The following BCAS3 variants were observed in gnomAD, a reference collection of about 807,000 sequenced individuals.
The protein encoded by BCAS3 is BCAS4/BCAS3 fusion.
A neutral mutation model predicts 116.1 loss-of-function variants in BCAS3; 53 were observed. The ratio of observed to expected loss-of-function variants is 0.46; its 90% CI spans 0.37 to 0.57. BCAS3 has a LOEUF of 0.57. BCAS3 is among the 20% of genes least tolerant of loss of function. The pLI, the probability that BCAS3 is intolerant of heterozygous loss-of-function variation, is 0.00. For missense variants in BCAS3, 917 were observed against 1,165.4 expected (o/e 0.79, Z 3.10); for synonymous variants, 391 against 408.2 (o/e 0.96, Z 0.51).
rs1411097267 is a variant in BCAS3 at position 61,208,638 on chromosome 17, A to G, written c.2425+124074A>G. On this transcript the variant is annotated intron_variant, in intron 22 of 23. Transcript: ENST00000407086. This position sits in a 1 kb window ranked among gnomAD's most constrained non-coding sequence, Gnocchi z 4.5. ...TTAAAGCTACTAGGTCCACGCTTCT[A>G]TGAAGAAAGCAGGTATCCATGTTGT... 6.6e-6 allele frequency among the ~76,000 whole-genome samples: 1 copy of G among 152,192 alleles called. No individual in the cohort carries two copies. The highest frequency in any genetic ancestry group is 2.4e-5 in the African/African-American group (1 of 41,454).
At chr17:60,768,787 A>G (rs1176945487) in intron 6 of BCAS3, among the ~76,000 whole-genome samples, 3 of 152,036 alleles carry the variant, frequency 2.0e-5, no homozygotes, top group African/African-American at 7.2e-5. Flanking sequence ...CTGCTCCAGG[A>G]TGGCTTGCAC....
chr17:61,232,424 T>C (rs1182734310), intron 22 of BCAS3, among the ~76,000 whole-genome samples: 1 of 152,082 alleles, frequency 6.6e-6, no homozygotes, highest in Non-Finnish European at 1.5e-5. Flanking sequence ...GTAATTTTCC[T>C]CAAAATCATT....
intron 7 of BCAS3, among the ~76,000 whole-genome samples, chr17:60,833,844 C>T (rs1424666509): frequency 6.6e-6 from 1 of 152,160 alleles, no homozygotes; most frequent in Non-Finnish European, 1.5e-5. Context: ...TCAATTCCAA[C>T]TGCCTTTACA....
At chr17:61,236,225 G>A (rs1350258639) in intron 22 of BCAS3, among the ~76,000 whole-genome samples, 3 of 152,188 alleles carry the variant, frequency 2.0e-5, no homozygotes, top group Admixed American at 6.5e-5. Context: ...TGGCATTTTC[G>A]TGGTGTTCTG....
intron 6 of BCAS3, among the ~76,000 whole-genome samples, chr17:60,793,314 G>A (rs2046936473): frequency 6.6e-6 from 1 of 151,980 alleles, no homozygotes; most frequent in African/African-American, 2.4e-5. Flanking sequence ...CCAAGCTGGT[G>A]TTGAACTTCT....
intron 14 of BCAS3, among the ~76,000 whole-genome samples, chr17:60,979,939 A>G (rs1243385687): frequency 6.6e-6 from 1 of 151,766 alleles, no homozygotes; most frequent in East Asian, 1.9e-4. Flanking sequence ...TTCATCAAGG[A>G]TATTGGTCTA....
intron 11 of BCAS3, among the ~76,000 whole-genome samples, chr17:60,906,791 C>T (rs994311948): frequency 1.4e-4 from 21 of 152,010 alleles, no homozygotes; most frequent in Middle Eastern, 3.4e-3. Context: ...ATTTTTTAAC[C>T]ATTTCTAGGT....
In BCAS3 at chr17:61,151,648, A is replaced by G. The variant is rs1169769112; in HGVS notation, c.2425+67084A>G. Among the ~76,000 whole-genome samples the G allele has an allele frequency of 1.3e-5, 2 of 152,086 alleles. No individual in the cohort carries two copies. Among genetic ancestry groups the G allele is most frequent in the South Asian group, 2.1e-4 (1 of 4,826 alleles). The stretch of plus-strand genomic sequence containing the variant: ...AATTTTTAAATTTTTGGCAGAAACA[A>G]GTTCTCGCCATTTTACCCAGACTGG... On this transcript the variant is annotated intron_variant, in intron 22 of 23. Coordinates refer to ENST00000407086, the MANE Select transcript of BCAS3 (RefSeq NM_017679.5). The surrounding 1 kb of genome is among the most constrained non-coding windows in gnomAD (Gnocchi z 4.8).
In BCAS3 at chr17:60,826,024, A is replaced by AT. The variant is rs1464794685; in HGVS notation, c.476+17957dup. 2.7e-5 allele frequency among the ~76,000 whole-genome samples: 4 copies of AT among 150,074 alleles called. No homozygotes were observed. In the South Asian group the frequency reaches 6.4e-4, roughly 24 times the overall value. On this transcript the variant is annotated intron_variant, in intron 7 of 23. Coordinates refer to ENST00000407086, the MANE Select transcript of BCAS3 (RefSeq NM_017679.5). ...AGGAGCCCGCCACCATGCCTGGCTA[A>AT]TTTTTTTTTGTATTTTTAGTAGAAA...
At chr17:61,155,829 G>A (rs2077802584) in intron 22 of BCAS3, among the ~76,000 whole-genome samples, 1 of 152,180 alleles carries the variant, frequency 6.6e-6, no homozygotes, top group Non-Finnish European at 1.5e-5. Context: ...TGTTCAACCT[G>A]ATAGGCCCTT....
intron 19 of BCAS3, among the ~76,000 whole-genome samples, chr17:61,045,964 T>A (rs1486808458): frequency 9.6e-5 from 1 of 10,450 alleles, no homozygotes; most frequent in African/African-American, 1.5e-3. Context: ...AATATATATA[T>A]AATATATATA....
chr17:61,107,675 G>A (rs888404178), intron 22 of BCAS3, among the ~76,000 whole-genome samples: 1 of 152,136 alleles, frequency 6.6e-6, no homozygotes, highest in South Asian at 2.1e-4. Context: ...CCAAGTTATT[G>A]CATGTATCAA....
In BCAS3 at chr17:61,343,865, G is replaced by T. The variant is rs575508117; in HGVS notation, c.2426-24462G>T. On this transcript the variant is annotated intron_variant, in intron 22 of 23. Transcript: ENST00000407086. The surrounding 1 kb of genome is among the most constrained non-coding windows in gnomAD (Gnocchi z 5.5). ...TCAGTTCTGCTCTGCAGCCCCCATG[G>T]CGACACCCTCTCTCTTTGGACCACC... Among the ~76,000 whole-genome samples, 3 of 152,172 alleles carry T rather than the reference G, an allele frequency of 2.0e-5. No individual in the cohort carries two copies. Among genetic ancestry groups the T allele is most frequent in the African/African-American group, 7.2e-5 (3 of 41,434 alleles).
intron 7 of BCAS3, among the ~76,000 whole-genome samples, chr17:60,860,006 G>C (rs2054024161): frequency 6.6e-6 from 1 of 152,146 alleles, no homozygotes; most frequent in Non-Finnish European, 1.5e-5. Flanking sequence ...TATTCCTTTG[G>C]ATATATATCC....
intron 19 of BCAS3, among the ~76,000 whole-genome samples, chr17:61,053,895 A>G (rs1442185649): frequency 5.3e-5 from 8 of 152,184 alleles, no homozygotes; most frequent in Non-Finnish European, 1.2e-4. Flanking sequence ...CCATAGAGAA[A>G]TGATTTCAGT....
intron 5 of BCAS3, among the ~76,000 whole-genome samples, chr17:60,710,759 T>C (rs1248747296): frequency 2.0e-5 from 3 of 151,706 alleles, no homozygotes; most frequent in Non-Finnish European, 4.4e-5. Context: ...AAAATGTTTA[T>C]TTTTTGATAA....
intron 22 of BCAS3, among the ~76,000 whole-genome samples, chr17:61,176,564 T>TG (rs1163792212): frequency 2.6e-5 from 4 of 151,056 alleles, no homozygotes; most frequent in African/African-American, 9.7e-5. Context: ...TATTTATTTA[T>TG]TTATGTATTT....
At chr17:60,916,768 C>T (rs2058799532) in intron 12 of BCAS3, among the ~76,000 whole-genome samples, 1 of 152,016 alleles carries the variant, frequency 6.6e-6, no homozygotes, top group Non-Finnish European at 1.5e-5. Context: ...AAAGACAACT[C>T]ACAGAAGGGG....
chr17:60,894,219 A>T (rs1370622212), intron 10 of BCAS3, among the ~76,000 whole-genome samples: 1 of 151,892 alleles, frequency 6.6e-6, no homozygotes, highest in Admixed American at 6.6e-5. Context: ...TGAGCTTGGG[A>T]TGTTTTTCCA....
Sources: allele counts gnomAD v4.1 joint callset (sites outside exome capture counted in the v4.1 genomes callset), GRCh38; gene constraint gnomAD v4.1.1; non-coding constraint Gnocchi (gnomAD v3.1); transcripts MANE v1.5; gene names NCBI Gene and HGNC (gene_info 2026-07-23, HGNC 2026-07-21).